HMGN5: variants seen among roughly 807,000 people sequenced by gnomAD.
HMGN5 encodes high mobility group nucleosome binding domain 5, also known as high mobility group nucleosome-binding domain-containing protein 5.
Under a neutral mutation model 9.5 loss-of-function variants are expected in HMGN5, and 4 were observed. The observed-to-expected ratio is 0.42, with a 90% CI of 0.21 to 0.96. The LOEUF (loss-of-function observed/expected upper bound fraction) is 0.96. Ranked by LOEUF, HMGN5 falls within the 40% of genes least tolerant of loss-of-function variation. The pLI is 0.30. For missense variants in HMGN5, 192 were observed against 187.5 expected (o/e 1.02, Z -0.14); for synonymous variants, 55 against 57.1 (o/e 0.96, Z 0.16).
At chrX:81,168,026 T>C (rs2075415855) in intron 1 of HMGN5, among the ~76,000 whole-genome samples, 1 of 112,376 alleles carries the variant, frequency 8.9e-6, no homozygotes, top group South Asian at 3.7e-4. Context: ...AAAGACTTCT[T>C]GTTTTTAAAA....
At chrX:81,165,840 T>C (rs2075409631) in intron 1 of HMGN5, among the ~76,000 whole-genome samples, 1 of 112,012 alleles carries the variant, frequency 8.9e-6, no homozygotes, top group Admixed American at 9.6e-5. Flanking sequence ...TTATGATAAA[T>C]GATTATATCG....
intron 1 of HMGN5, among the ~76,000 whole-genome samples, chrX:81,143,007 A>G (rs1207962711): frequency 8.9e-6 from 1 of 112,142 alleles, no homozygotes; most frequent in African/African-American, 3.2e-5. Context: ...TAAAGTTTTT[A>G]TTAGTTTTTT....
At position 81,121,618 on chromosome X, in the gene HMGN5, T is replaced by A; in HGVS notation, c.-69A>T. The A allele has an allele frequency of 1.2e-6, 1 of 840,278 alleles. No homozygotes were observed. The highest frequency in any genetic ancestry group is 1.7e-6 in the Non-Finnish European group (1 of 591,908). The allele number at this position is 840,278 out of a possible 1,213,427, so 69.2% of individuals were successfully genotyped here. A position where few individuals can be genotyped will look rare whatever the true frequency, so the allele number is the denominator to read the frequency against. The stretch of plus-strand genomic sequence containing the variant: ...CCGAAGGCAGTCACTGCCTGACTGC[T>A]CCAAGAGCAAATGAGTTTTCAATGA... On this transcript the variant is annotated 5_prime_UTR_variant, in exon 2 of 7. Transcript: ENST00000358130.
intron 1 of HMGN5, among the ~76,000 whole-genome samples, chrX:81,156,118 T>C (rs1260037297): frequency 8.9e-6 from 1 of 112,155 alleles, no homozygotes; most frequent in Non-Finnish European, 1.9e-5. Flanking sequence ...GTTTGGCTTA[T>C]GGAATAGAAT....
At chrX:81,156,250 G>C (rs1046902755) in intron 1 of HMGN5, among the ~76,000 whole-genome samples, 3 of 112,211 alleles carry the variant, frequency 2.7e-5, no homozygotes, top group African/African-American at 9.7e-5. Flanking sequence ...GTAGTAATGG[G>C]AGCAGACATT....
chrX:81,146,253 A>T (rs981841239), intron 1 of HMGN5, among the ~76,000 whole-genome samples: 2 of 111,968 alleles, frequency 1.8e-5, no homozygotes, highest in Middle Eastern at 4.2e-3. Flanking sequence ...AATTGGAAGT[A>T]AAACACTCCT....
chrX:81,146,915 C>A (rs775974452), intron 1 of HMGN5, among the ~76,000 whole-genome samples: 21 of 111,644 alleles, frequency 1.9e-4, no homozygotes, highest in Non-Finnish European at 4.0e-4. Context: ...GGATAAGTTC[C>A]AGGACACATA....
chrX:81,150,532 C>A (rs2075358342), intron 1 of HMGN5, among the ~76,000 whole-genome samples: 1 of 111,808 alleles, frequency 8.9e-6, no homozygotes, highest in Non-Finnish European at 1.9e-5. Context: ...TGCCATTGCA[C>A]TCCAGCCTGG....
intron 1 of HMGN5, among the ~76,000 whole-genome samples, chrX:81,171,083 A>G (rs1467781855): frequency 9.0e-6 from 1 of 111,542 alleles, no homozygotes. Context: ...CACAAGAATA[A>G]CACATCGCTA....
intron 1 of HMGN5, among the ~76,000 whole-genome samples, chrX:81,188,263 A>ATAATATTAT (rs1556055045): frequency 2.3e-5 from 2 of 86,975 alleles, no homozygotes; most frequent in Admixed American, 2.7e-4. Flanking sequence ...TGTGCACAGA[A>ATAATATTAT]TATTATTATT....
chrX:81,163,238 A>G (rs1365510260), intron 1 of HMGN5, among the ~76,000 whole-genome samples: 1 of 112,174 alleles, frequency 8.9e-6, no homozygotes, highest in East Asian at 2.8e-4. Flanking sequence ...GCTTTAGACA[A>G]TATTAGCCTT....
intron 1 of HMGN5, among the ~76,000 whole-genome samples, chrX:81,168,158 A>C (rs2075416140): frequency 8.9e-6 from 1 of 112,115 alleles, no homozygotes; most frequent in Non-Finnish European, 1.9e-5. Flanking sequence ...TTCTCTCTCT[A>C]TAGGCTATTA....
intron 5 of HMGN5, among the ~76,000 whole-genome samples, chrX:81,117,249 C>CT (rs948729761): frequency 5.3e-5 from 5 of 94,177 alleles, no homozygotes; most frequent in Non-Finnish European, 1.0e-4. Flanking sequence ...CTTTTCTTTT[C>CT]TTTTTTTTCC....
intron 1 of HMGN5, among the ~76,000 whole-genome samples, chrX:81,185,124 T>C (rs1160548294): frequency 3.6e-5 from 4 of 111,842 alleles, no homozygotes; most frequent in South Asian, 7.4e-4. Flanking sequence ...TGTGGTTCCA[T>C]ACAAATTTTT....
chrX:81,173,290 T>C (rs1043210242), intron 1 of HMGN5, among the ~76,000 whole-genome samples: 3 of 111,228 alleles, frequency 2.7e-5, no homozygotes, highest in African/African-American at 9.8e-5. Context: ...AGAGTATCTA[T>C]AGTATACTAC....
chrX:81,186,284 T>A (rs2075477214), intron 1 of HMGN5, among the ~76,000 whole-genome samples: 1 of 112,008 alleles, frequency 8.9e-6, no homozygotes, highest in Non-Finnish European at 1.9e-5. Context: ...GGCTTCAATC[T>A]CATTAGTTGT....
At chrX:81,200,858 A>T (rs1220489289) in intron 1 of HMGN5, among the ~76,000 whole-genome samples, 1 of 110,479 alleles carries the variant, frequency 9.1e-6, no homozygotes, top group African/African-American at 3.3e-5. Context: ...AAGTATAATT[A>T]AAAAAAAATA....
chrX:81,178,667 T>C (rs1044580444), intron 1 of HMGN5, among the ~76,000 whole-genome samples: 1 of 111,471 alleles, frequency 9.0e-6, no homozygotes, highest in African/African-American at 3.3e-5. Flanking sequence ...TTCCAATCAA[T>C]AGAAAAAGAG....
intron 1 of HMGN5, among the ~76,000 whole-genome samples, chrX:81,148,531 G>T (rs1313515615): frequency 8.9e-6 from 1 of 111,815 alleles, no homozygotes; most frequent in Non-Finnish European, 1.9e-5. Context: ...AAAAACCCTA[G>T]AAGATAACCT....
Sources: allele counts gnomAD v4.1 joint callset (sites outside exome capture counted in the v4.1 genomes callset), GRCh38; gene constraint gnomAD v4.1.1; transcripts MANE v1.5; gene names NCBI Gene and HGNC (gene_info 2026-07-23, HGNC 2026-07-21).